The following SORCS1 variants were observed in gnomAD, a reference collection of about 807,000 sequenced individuals.
The protein encoded by SORCS1 is sortilin related VPS10 domain containing receptor 1.
In SORCS1, 60 loss-of-function variants were observed where a neutral mutation model predicts 146.1. The ratio of observed to expected loss-of-function variants is 0.41; its 90% CI spans 0.33 to 0.51. SORCS1 has a LOEUF of 0.51. Ranked by LOEUF, SORCS1 falls within the 20% of genes least tolerant of loss-of-function variation. The pLI is 0.21. For missense variants in SORCS1, 1,352 were observed against 1,487.6 expected (o/e 0.91, Z 1.50); for synonymous variants, 637 against 584.0 (o/e 1.09, Z -1.31).
intron 10 of SORCS1, among the ~76,000 whole-genome samples, 190 bp from the exon 11 acceptor site, chr10:106,679,924 G>A (rs1241436843): frequency 6.6e-6 from 1 of 152,068 alleles, no homozygotes; most frequent in Non-Finnish European, 1.5e-5. Flanking sequence ...TCCACTAAGT[G>A]TAAAACAGCC....
At chr10:106,678,835 T>A (rs1226191714) in intron 12 of SORCS1, among the ~76,000 whole-genome samples, 3 of 152,182 alleles carry the variant, frequency 2.0e-5, no homozygotes, top group African/African-American at 7.2e-5. Flanking sequence ...CATTTCTATA[T>A]CTGCATTCCT....
At chr10:106,646,731 C>T (rs1479168558) in intron 18 of SORCS1, among the ~76,000 whole-genome samples, 6 of 151,892 alleles carry the variant, frequency 4.0e-5, no homozygotes, top group African/African-American at 1.4e-4. Flanking sequence ...TATTAGCTTT[C>T]AAATTTTGAT....
intron 5 of SORCS1, among the ~76,000 whole-genome samples, chr10:106,743,983 C>T (rs1235508739): frequency 6.6e-6 from 1 of 152,030 alleles, no homozygotes; most frequent in African/African-American, 2.4e-5. Flanking sequence ...ACGAACACAG[C>T]GTAACACACG....
At chr10:107,097,491 T>C (rs1329399812) in intron 1 of SORCS1, among the ~76,000 whole-genome samples, 1 of 152,194 alleles carries the variant, frequency 6.6e-6, no homozygotes, top group Non-Finnish European at 1.5e-5. Flanking sequence ...AGGTGCCTGT[T>C]TGAGTTCATA....
Position 106,952,250 on chromosome 10 carries a change from T to A in SORCS1, c.626+4263A>T, listed in dbSNP as rs190896570. ...ATAATAGTTGTCTCAGTGATTGGCT[T>A]TCTGTGCAGTGACCAGAAGGGCTGA... On this transcript the variant is annotated intron_variant, in intron 2 of 25. Coordinates refer to ENST00000263054, the MANE Select transcript of SORCS1 (RefSeq NM_052918.5). 7.9e-5 allele frequency among the ~76,000 whole-genome samples: 12 copies of A among 152,288 alleles called. No homozygotes were observed. In the East Asian group the frequency reaches 2.3e-3, roughly 29 times the overall value.
At chr10:106,587,845 TG>T (rs552244632) in intron 24 of SORCS1, among the ~76,000 whole-genome samples, 2,901 of 151,488 alleles carry the variant, frequency 0.019, 37 homozygotes, top group Middle Eastern at 0.048. Context: ...GTATTTTTTT[TG>T]GGGGGGGTCA....
rs956297464 is a variant in SORCS1 at position 106,577,045 on chromosome 10, G to A, written c.*375C>T. The A allele has an allele frequency of 7.2e-6, 3 of 415,938 alleles. No homozygotes were observed. Among genetic ancestry groups the A allele is most frequent in the Admixed American group, 3.8e-5 (1 of 26,152 alleles). 25.8% of individuals were successfully genotyped at this position (415,938 alleles called of 1,614,324 possible). ...ACCTGTACACTGCCCCTCCAGACAT[G>A]TTCTCAGAGTATTGTCCACATGCAC... On this transcript the variant is annotated 3_prime_UTR_variant, in exon 26 of 26. Transcript: ENST00000263054.
chr10:106,812,239 A>G (rs1336187036), intron 3 of SORCS1, among the ~76,000 whole-genome samples: 1 of 152,066 alleles, frequency 6.6e-6, no homozygotes. Flanking sequence ...TGACCTCATG[A>G]TCCGCCCGCC....
At chr10:106,844,587 T>C (rs1045078421) in intron 2 of SORCS1, among the ~76,000 whole-genome samples, 5 of 152,094 alleles carry the variant, frequency 3.3e-5, no homozygotes, top group Non-Finnish European at 7.4e-5. Context: ...ATTATTATTT[T>C]TTTTAAATTA....
the SORCS1 span, among the ~76,000 whole-genome samples, chr10:107,177,321 T>C: frequency 1.3e-5 from 2 of 152,172 alleles, no homozygotes; most frequent in African/African-American, 4.8e-5. Context: ...TGGTGATAAA[T>C]AAATACAGGG....
chr10:107,169,370 T>A (rs1970111495), upstream of SORCS1, among the ~76,000 whole-genome samples: 1 of 152,180 alleles, frequency 6.6e-6, no homozygotes, highest in Non-Finnish European at 1.5e-5. Context: ...ATGGGATTTT[T>A]AAAATCTGTC....
intron 4 of SORCS1, among the ~76,000 whole-genome samples, chr10:106,765,937 T>C (rs1178849462): frequency 6.6e-6 from 1 of 152,044 alleles, no homozygotes; most frequent in Admixed American, 6.6e-5. Flanking sequence ...GGGAAATGAG[T>C]GAAAGAGCAT....
At chr10:107,177,446 T>C in the SORCS1 span, among the ~76,000 whole-genome samples, 1 of 152,198 alleles carries the variant, frequency 6.6e-6, no homozygotes, top group South Asian at 2.1e-4. Context: ...AACATTCTCA[T>C]CACCGCAAAG....
chr10:106,611,596 A>C (rs1846992475), intron 22 of SORCS1, among the ~76,000 whole-genome samples: 1 of 152,174 alleles, frequency 6.6e-6, no homozygotes, highest in Non-Finnish European at 1.5e-5. Flanking sequence ...CCTAATTGTG[A>C]ACTCTGCTAC....
intron 1 of SORCS1, among the ~76,000 whole-genome samples, chr10:107,161,690 C>CAAA (rs11287858): frequency 0.025 from 3,593 of 144,886 alleles, 151 homozygotes; most frequent in African/African-American, 0.085. Context: ...ACAAAACGGC[C>CAAA]AAAAAAAAAA....
At chr10:107,020,040 CCTT>C (rs1209686715) in intron 1 of SORCS1, among the ~76,000 whole-genome samples, 4 of 152,212 alleles carry the variant, frequency 2.6e-5, no homozygotes, top group Admixed American at 6.5e-5. Flanking sequence ...CCATCCCACT[CCTT>C]CTTCCTAGGC....
intron 10 of SORCS1, among the ~76,000 whole-genome samples, chr10:106,681,164 A>G (rs1852407697): frequency 6.6e-6 from 1 of 152,204 alleles, no homozygotes; most frequent in Non-Finnish European, 1.5e-5. Flanking sequence ...CAAGAGGAAG[A>G]CTAGAACAGA....
intron 3 of SORCS1, among the ~76,000 whole-genome samples, chr10:106,812,159 T>A (rs1210334157): frequency 6.6e-6 from 1 of 151,978 alleles, no homozygotes; most frequent in Non-Finnish European, 1.5e-5. Flanking sequence ...CGCCACTGCA[T>A]CCTGCTAATT....
chr10:106,749,756 T>C (rs1427724546), intron 5 of SORCS1, among the ~76,000 whole-genome samples: 2 of 152,216 alleles, frequency 1.3e-5, no homozygotes, highest in Non-Finnish European at 2.9e-5. Context: ...CTATTCCTCC[T>C]TTTAGCAGCA....
Sources: allele counts gnomAD v4.1 joint callset (sites outside exome capture counted in the v4.1 genomes callset), GRCh38; gene constraint gnomAD v4.1.1; transcripts MANE v1.5; gene names NCBI Gene and HGNC (gene_info 2026-07-23, HGNC 2026-07-21).